The following COBLL1 variants were observed in gnomAD, a reference collection of about 807,000 sequenced individuals.
The protein encoded by COBLL1 is cordon-bleu protein-like 1.
Under a neutral mutation model 94.8 loss-of-function variants are expected in COBLL1, and 50 were observed. That is an observed-to-expected ratio of 0.53 (90% CI 0.42 to 0.67). The LOEUF (loss-of-function observed/expected upper bound fraction) is 0.67, where lower values mean the gene tolerates loss of function less well. COBLL1 is among the 30% of genes least tolerant of loss of function. The pLI is 0.00. For synonymous variants in COBLL1, 448 were observed against 473.8 expected (o/e 0.95, Z 0.71); for missense variants, 1,362 against 1,348.7 (o/e 1.01, Z -0.15).
At chr2:164,807,119 T>A (rs962733547) in intron 2 of COBLL1, among the ~76,000 whole-genome samples, 68 of 152,164 alleles carry the variant, frequency 4.5e-4, no homozygotes, top group African/African-American at 1.6e-3. Context: ...TCATTAAATT[T>A]TCAAGAAGTC....
intron 2 of COBLL1, among the ~76,000 whole-genome samples, chr2:164,780,715 G>T (rs1201175208): frequency 1.3e-5 from 2 of 152,108 alleles, no homozygotes; most frequent in Non-Finnish European, 2.9e-5. Context: ...TCAGCTTTAT[G>T]CCTTATTTAG....
At position 164,705,008 on chromosome 2, in the gene COBLL1, G is replaced by A; in HGVS notation, c.1094C>T (p.Pro365Leu). Residue 365 changes from proline to leucine, a missense_variant, in exon 8 of 14, where the codon CCT becomes CTT. Transcript: ENST00000652658. The part of the protein sequence containing the change: ...SSLRRTKRKA[P>L]SPPSKIPPHQ... Reference sequence around the variant, plus strand: ...CGGGGGTATTTTGGAGGGTGGGGAAGGTGCTTTTCGCTTTGTCCTTCTCAA... The same window carrying A: ...CGGGGGTATTTTGGAGGGTGGGGAAAGTGCTTTTCGCTTTGTCCTTCTCAA... The A allele has an allele frequency of 6.2e-7, 1 of 1,604,984 alleles. No individual in the cohort carries two copies. The highest frequency in any genetic ancestry group is 8.5e-7 in the Non-Finnish European group (1 of 1,175,974).
intron 2 of COBLL1, among the ~76,000 whole-genome samples, chr2:164,831,486 A>C (rs367813528): frequency 4.0e-5 from 6 of 151,740 alleles, no homozygotes; most frequent in African/African-American, 1.2e-4. Flanking sequence ...TCAGCTGCTG[A>C]TGTTTTTTTC....
chr2:164,690,531 C>A lies in COBLL1; in HGVS notation c.3300+1690G>T, dbSNP rs1039921273. Among the ~76,000 whole-genome samples the A allele has an allele frequency of 3.3e-5, 5 of 152,316 alleles. No homozygotes were observed. In the East Asian group the frequency reaches 7.7e-4, roughly 24 times the overall value. ...GGTCCATAACACACCAAGTATATAGCTGCTGGCCTGTATAATTCTGTTGGC... is the reference window on the plus strand; with the variant it reads ...GGTCCATAACACACCAAGTATATAGATGCTGGCCTGTATAATTCTGTTGGC... On this transcript the variant is annotated intron_variant, in intron 13 of 13. Coordinates refer to ENST00000652658, the MANE Select transcript of COBLL1 (RefSeq NM_001365672.2).
At chr2:164,679,566 C>T (rs985355162), downstream of COBLL1, among the ~76,000 whole-genome samples, 3 of 152,054 alleles carry the variant, frequency 2.0e-5, no homozygotes, top group Admixed American at 2.0e-4. Context: ...CTCTGAACTT[C>T]ATGAGTAAAA....
chr2:164,818,649 C>T (rs914469624), intron 2 of COBLL1, among the ~76,000 whole-genome samples: 2 of 147,080 alleles, frequency 1.4e-5, no homozygotes, highest in Non-Finnish European at 3.0e-5. Flanking sequence ...CATATGTAAA[C>T]ATATATAGCG....
intron 2 of COBLL1, among the ~76,000 whole-genome samples, chr2:164,802,516 G>A (rs1683861601): frequency 7.0e-6 from 1 of 142,798 alleles, no homozygotes; most frequent in South Asian, 2.2e-4. Context: ...TGAAGTGAGA[G>A]AGGGATTTTG....
intron 2 of COBLL1, among the ~76,000 whole-genome samples, chr2:164,755,692 T>C (rs1001412441): frequency 5.9e-5 from 9 of 152,182 alleles, no homozygotes; most frequent in African/African-American, 1.7e-4. Flanking sequence ...AAAAGGGTCA[T>C]GTAGGTAATG....
rs549876350 is a variant in COBLL1 at position 164,840,225 on chromosome 2, A to C, written c.41+931T>G. Among the ~76,000 whole-genome samples, 6 of 151,638 alleles carry C rather than the reference A, an allele frequency of 4.0e-5. No individual in the cohort carries two copies. The East Asian group carries it at 9.6e-4, about 24-fold the overall frequency. ...CTATTTCTGGAATGCTCGTATTCTC[A>C]TTAGGGCATTTCTGCATTCAGATTA... On this transcript the variant is annotated intron_variant, in intron 2 of 13. Transcript: ENST00000652658.
intron 5 of COBLL1, 38 bp downstream of exon 5, chr2:164,727,931 A>G (rs768213399): frequency 3.7e-6 from 5 of 1,350,752 alleles, no homozygotes; most frequent in Admixed American, 3.5e-5. Context: ...ACAAATATAC[A>G]CATCCCACTA....
intron 2 of COBLL1, among the ~76,000 whole-genome samples, chr2:164,774,557 A>G (rs1574563299): frequency 6.6e-6 from 1 of 152,344 alleles, no homozygotes; most frequent in East Asian, 1.9e-4. Flanking sequence ...CACATGTCCC[A>G]TTACTTTCAC....
At chr2:164,837,492 T>C (rs961642261) in intron 2 of COBLL1, 6 of 460,250 alleles carry the variant, frequency 1.3e-5, no homozygotes, top group African/African-American at 1.2e-4. Flanking sequence ...TCCAACATTT[T>C]TGCTCTCTGC....
intron 1 of COBLL1, among the ~76,000 whole-genome samples, chr2:164,672,112 T>C (rs948082464): frequency 6.6e-6 from 1 of 152,198 alleles, no homozygotes; most frequent in African/African-American, 2.4e-5. Context: ...TCTCTTTGCA[T>C]AGAGATGAAC....
intron 2 of COBLL1, among the ~76,000 whole-genome samples, chr2:164,757,953 A>G (rs1687492996): frequency 6.6e-6 from 1 of 152,158 alleles, no homozygotes; most frequent in African/African-American, 2.4e-5. Context: ...AAACTTTCTT[A>G]ACAAGAAAAG....
chr2:164,695,536 T>A lies in COBLL1; in HGVS notation c.1856A>T (p.Asp619Val), dbSNP rs143738592. The change falls in exon 12 of 14, where the codon GAT becomes GTT. Residue 619 changes from aspartate to valine, a missense_variant. Asp to Val is a radical substitution (Grantham distance 152, BLOSUM62 -3). Coordinates refer to ENST00000652658, the MANE Select transcript of COBLL1 (RefSeq NM_001365672.2). ...SCNSFDGKHQ[D>V]HNLSDSKVEE... ...AACTTTGGAGTCAGATAAATTATGA[T>A]CTTGGTGTTTCCCATCAAAACTGTT... is the stretch of plus-strand genomic sequence containing the variant. 4 of 1,613,872 alleles carry A rather than the reference T, an allele frequency of 2.5e-6. No homozygotes were observed. The highest frequency in any genetic ancestry group is 3.4e-6 in the Non-Finnish European group (4 of 1,179,922).
intron 2 of COBLL1, among the ~76,000 whole-genome samples, chr2:164,765,923 A>ATT (rs11456627): frequency 7.9e-5 from 12 of 151,806 alleles, no homozygotes; most frequent in African/African-American, 2.9e-4. Context: ...CAAGATCATA[A>ATT]TTTTTTTCTT....
At chr2:164,778,870 T>C (rs2105269657) in intron 2 of COBLL1, among the ~76,000 whole-genome samples, 1 of 152,102 alleles carries the variant, frequency 6.6e-6, no homozygotes, top group South Asian at 2.1e-4. Context: ...ATCAGCAAAA[T>C]TTAGTGACCG....
chr2:164,804,076 A>G (rs1387154758), intron 2 of COBLL1, among the ~76,000 whole-genome samples: 1 of 147,538 alleles, frequency 6.8e-6, no homozygotes, highest in East Asian at 2.0e-4. Flanking sequence ...CCAGGCCCCT[A>G]TCAGTGTCTT....
At chr2:164,786,703 C>A (rs1688975776) in intron 2 of COBLL1, among the ~76,000 whole-genome samples, 1 of 152,152 alleles carries the variant, frequency 6.6e-6, no homozygotes, top group African/African-American at 2.4e-5. Flanking sequence ...AGAATCACTT[C>A]CCAGAATGGC....
Sources: allele counts gnomAD v4.1 joint callset (sites outside exome capture counted in the v4.1 genomes callset), GRCh38; gene constraint gnomAD v4.1.1; transcripts MANE v1.5; gene names NCBI Gene and HGNC (gene_info 2026-07-23, HGNC 2026-07-21).